Variants in WNK1 observed in about 807,000 individuals in gnomAD.
The protein encoded by WNK1 is WNK lysine deficient protein kinase 1, also known as serine/threonine-protein kinase WNK1.
In WNK1, 38 loss-of-function variants were observed where a neutral mutation model predicts 222.8. That is an observed-to-expected ratio of 0.17 (90% CI 0.13 to 0.22). The LOEUF (loss-of-function observed/expected upper bound fraction) is 0.22, where lower values mean the gene tolerates loss of function less well. WNK1 is among the 10% of genes least tolerant of loss of function. The pLI is 1.00. For missense variants in WNK1, 2,348 were observed against 2,918.4 expected (o/e 0.80, Z 4.50); for synonymous variants, 1,090 against 1,092.9 (o/e 1.00, Z 0.05).
chr12:808,008 C>G (rs1245564948), intron 1 of WNK1, among the ~76,000 whole-genome samples: 1 of 151,856 alleles, frequency 6.6e-6, no homozygotes, highest in Non-Finnish European at 1.5e-5. Flanking sequence ...CGTGAGCCAC[C>G]GCGCCCGGCC....
At chr12:879,084 A>G (rs1952888251) in intron 10 of WNK1, among the ~76,000 whole-genome samples, 3 of 152,202 alleles carry the variant, frequency 2.0e-5, no homozygotes, top group Non-Finnish European at 4.4e-5. Flanking sequence ...AATTATACCA[A>G]TTTTTATTGA....
intron 2 of WNK1, among the ~76,000 whole-genome samples, chr12:823,459 A>G (rs1390579440): frequency 1.3e-5 from 2 of 152,084 alleles, no homozygotes; most frequent in Admixed American, 1.3e-4. Context: ...GACTCTGCTC[A>G]TTTCTGCTCC....
chr12:908,218 T>C (rs1955863855), intron 27 of WNK1, 184 bp downstream of exon 27: 5 of 859,204 alleles, frequency 5.8e-6, no homozygotes, highest in Non-Finnish European at 3.6e-6. Flanking sequence ...TAACCTCTTG[T>C]TGGTCAGCTC....
At chr12:867,416 AAG>A (rs1395162816) in intron 8 of WNK1, among the ~76,000 whole-genome samples, 1 of 152,188 alleles carries the variant, frequency 6.6e-6, no homozygotes. Context: ...AATATAGGGA[AAG>A]TTAGTTCAAT....
chr12:830,382 A>G (rs1355596162), intron 4 of WNK1, among the ~76,000 whole-genome samples: 1 of 152,198 alleles, frequency 6.6e-6, no homozygotes, highest in Non-Finnish European at 1.5e-5. Flanking sequence ...CCCACCTTGC[A>G]TTCATTTAAA....
At position 765,147 on chromosome 12, in the gene WNK1, A is replaced by AT. The variant is rs1414756444; in HGVS notation, c.759+10826dup. On this transcript the variant is annotated intron_variant, in intron 1 of 27. Coordinates refer to ENST00000315939, the MANE Select transcript of WNK1 (RefSeq NM_018979.4). ...GTCCAGCCTTTATGTGGCTATTTAAATTTAAATAAATTAAAATGAAATTTT... is the reference window on the plus strand; with the variant it reads ...GTCCAGCCTTTATGTGGCTATTTAAATTTTAAATAAATTAAAATGAAATTTT... 4.7e-5 allele frequency among the ~76,000 whole-genome samples: 7 copies of AT among 148,174 alleles called. 1 individual carries two copies. The highest frequency in any genetic ancestry group is 9.1e-5 in the Non-Finnish European group (6 of 66,284).
In WNK1 at chr12:885,619, G is replaced by C; in HGVS notation, c.4815G>C (p.Gln1605His). 1 of 1,614,084 alleles carries C rather than the reference G, an allele frequency of 6.2e-7. No homozygotes were observed. Among genetic ancestry groups the C allele is most frequent in the African/African-American group, 1.3e-5 (1 of 74,986 alleles). Reference sequence around the variant, plus strand: ...TACCTAGTATCCCACCCTTGGTACAGCCTGTTGCCAATGTGCCTGCTGTAC... The same window carrying C: ...TACCTAGTATCCCACCCTTGGTACACCCTGTTGCCAATGTGCCTGCTGTAC... ...PQVPSIPPLVQPVANVPAVQQ... is the reference protein window; with the variant it reads ...PQVPSIPPLVHPVANVPAVQQ... The change falls in exon 19 of 28, where the codon CAG becomes CAC. Residue 1605 changes from glutamine to histidine, a missense_variant. Coordinates refer to ENST00000315939, the MANE Select transcript of WNK1 (RefSeq NM_018979.4).
At chr12:820,118 C>T (rs942536670) in intron 2 of WNK1, among the ~76,000 whole-genome samples, 1 of 152,166 alleles carries the variant, frequency 6.6e-6, no homozygotes, top group African/African-American at 2.4e-5. Context: ...GGAATTTTGA[C>T]AGAAATTGTG....
In WNK1 at chr12:882,928, C is replaced by CT. The variant is rs1461374321; in HGVS notation, c.3373-9dup. 6.6e-7 allele frequency: 1 copy of CT among 1,513,750 alleles called. No homozygotes were observed. The highest frequency in any genetic ancestry group is 9.2e-7 in the Non-Finnish European group (1 of 1,089,006). 93.8% of individuals were successfully genotyped at this position (1,513,750 alleles called of 1,614,324 possible). A position where few individuals can be genotyped will look rare whatever the true frequency, so the allele number is the denominator to read the frequency against. ...AATATGGTCTTTGGAGATGATGTAC[C>CT]TTTTTTCTTTTTAGGTTTCAAATAA... On this transcript the variant is annotated splice_polypyrimidine_tract_variant and intron_variant, in intron 14 of 27. Coordinates refer to ENST00000315939, the MANE Select transcript of WNK1 (RefSeq NM_018979.4).
chr12:816,477 A>G (rs1031346278), intron 2 of WNK1, among the ~76,000 whole-genome samples: 3 of 151,210 alleles, frequency 2.0e-5, no homozygotes, highest in Non-Finnish European at 4.4e-5. Context: ...GACAGTGTCT[A>G]TTTTGTTGCC....
At chr12:866,453 C>G (rs1951676958) in intron 8 of WNK1, among the ~76,000 whole-genome samples, 2 of 152,152 alleles carry the variant, frequency 1.3e-5, no homozygotes, top group Admixed American at 1.3e-4. Flanking sequence ...ACCTCTGCCT[C>G]CTGGGTTCAA....
At chr12:808,752 T>C (rs996803145) in intron 1 of WNK1, among the ~76,000 whole-genome samples, 1 of 138,848 alleles carries the variant, frequency 7.2e-6, no homozygotes, top group African/African-American at 2.6e-5. Context: ...GAGAAAACTG[T>C]ATCTCTCTCT....
At chr12:829,744 T>C (rs7300056) in intron 3 of WNK1, among the ~76,000 whole-genome samples, 1 of 152,086 alleles carries the variant, frequency 6.6e-6, no homozygotes, top group South Asian at 2.1e-4. Flanking sequence ...AAGAAATTCA[T>C]TTTACACAGT....
intron 2 of WNK1, among the ~76,000 whole-genome samples, chr12:824,526 A>G (rs985215372): frequency 6.6e-6 from 1 of 152,162 alleles, no homozygotes; most frequent in African/African-American, 2.4e-5. Context: ...TTTCACTTGA[A>G]TAGCAATTTA....
At position 908,008 on chromosome 12, in the gene WNK1, G is replaced by C; in HGVS notation, c.6805G>C (p.Gly2269Arg). 6.2e-7 allele frequency: 1 copy of C among 1,614,136 alleles called. No individual in the cohort carries two copies. Among genetic ancestry groups the C allele is most frequent in the Non-Finnish European group, 8.5e-7 (1 of 1,180,012 alleles). Residue 2269 changes from glycine to arginine, a missense_variant, in exon 27 of 28, where the codon GGA becomes CGA. By Grantham distance (125) the Gly-to-Arg change is moderately radical. Transcript: ENST00000315939. ...TGCCATGAATCTCTCAGGCAGGAGA[G>C]GAAGCAAAGGGCACATGAATTACGA... ...RDAMNLSGRR[G>R]SKGHMNYEGP...
intron 8 of WNK1, among the ~76,000 whole-genome samples, chr12:866,966 T>C (rs769182876): frequency 3.3e-5 from 5 of 151,874 alleles, no homozygotes; most frequent in Non-Finnish European, 4.4e-5. Context: ...CTACTAAAAA[T>C]ACAAAAATTA....
At chr12:868,393 AG>A (rs1951861907) in intron 8 of WNK1, 1 of 1,613,858 alleles carries the variant, frequency 6.2e-7, no homozygotes, top group Non-Finnish European at 8.5e-7. Context: ...AGCCAGTACA[AG>A]GGGGCCCTAC....
At chr12:867,984 A>C in intron 8 of WNK1, 1 of 1,613,908 alleles carries the variant, frequency 6.2e-7, no homozygotes, top group Non-Finnish European at 8.5e-7. Flanking sequence ...TGCCCACCGA[A>C]AGTAGCCATT....
In WNK1 at chr12:909,058, C is replaced by T. The variant is rs1955925952; in HGVS notation, c.*266C>T. 2.1e-6 allele frequency: 1 copy of T among 487,656 alleles called. No individual in the cohort carries two copies. Among genetic ancestry groups the T allele is most frequent in the Non-Finnish European group, 3.8e-6 (1 of 266,660 alleles). The allele number at this position is 487,656 out of a possible 1,614,324, so 30.2% of individuals were successfully genotyped here. A position where few individuals can be genotyped will look rare whatever the true frequency, so the allele number is the denominator to read the frequency against. ...CCATGCTTTCCTGTTTATCTATACTCAGTAATGAGGATGAGGGCTAGGAAA... is the reference window on the plus strand; with the variant it reads ...CCATGCTTTCCTGTTTATCTATACTTAGTAATGAGGATGAGGGCTAGGAAA... On this transcript the variant is annotated 3_prime_UTR_variant, in exon 28 of 28. Transcript: ENST00000315939.
Sources: allele counts gnomAD v4.1 joint callset (sites outside exome capture counted in the v4.1 genomes callset), GRCh38; gene constraint gnomAD v4.1.1; transcripts MANE v1.5; gene names NCBI Gene and HGNC (gene_info 2026-07-23, HGNC 2026-07-21).